The following DNAH12 variants were observed in gnomAD, a reference collection of about 807,000 sequenced individuals.
The protein encoded by DNAH12 is dynein axonemal heavy chain 12, also known as axonemal beta dynein heavy chain 12.
DNAH12 carries 285 observed loss-of-function variants against 371.5 expected under a neutral mutation model. The ratio of observed to expected loss-of-function variants is 0.77; its 90% CI spans 0.70 to 0.85. DNAH12 has a LOEUF of 0.85. Ranked by LOEUF, DNAH12 falls within the 40% of genes least tolerant of loss-of-function variation. DNAH12 has a pLI of 0.00. For missense variants in DNAH12, 3,611 were observed against 3,689.4 expected, an observed-to-expected ratio of 0.98 and a Z score of 0.55; for synonymous variants, 1,200 against 1,213.0, an observed-to-expected ratio of 0.99 and a Z score of 0.22.
chr3:57,419,278 G>T, intron 37 of DNAH12, 89 bp downstream of exon 37: 1 of 1,268,722 alleles, frequency 7.9e-7, no homozygotes, highest in Non-Finnish European at 1.1e-6. Context: ...CCTGAAAAGG[G>T]ATGATCTCGA....
chr3:57,321,618 A>G (rs2061807208), intron 65 of DNAH12, among the ~76,000 whole-genome samples: 1 of 152,148 alleles, frequency 6.6e-6, no homozygotes, highest in African/African-American at 2.4e-5. Flanking sequence ...TGAGCTTCTT[A>G]CAGGGACCTG....
intron 21 of DNAH12, 45 bp downstream of exon 21, chr3:57,458,054 T>C (rs1230721186): frequency 6.5e-7 from 1 of 1,536,314 alleles, no homozygotes; most frequent in Admixed American, 2.1e-5. Context: ...TCATCACACA[T>C]AAGAAAATGT....
chr3:57,300,026 T>G (rs2061313793), intron 70 of DNAH12, among the ~76,000 whole-genome samples: 1 of 152,218 alleles, frequency 6.6e-6, no homozygotes, highest in African/African-American at 2.4e-5. Context: ...AATACCTTGC[T>G]GTGCCTGTAG....
At position 57,334,469 on chromosome 3, in the gene DNAH12, T is replaced by C; in HGVS notation, c.9974A>G (p.Asp3325Gly). The C allele has an allele frequency of 6.5e-7, 1 of 1,546,540 alleles. No individual in the cohort carries two copies. The highest frequency in any genetic ancestry group is 8.7e-7 in the Non-Finnish European group (1 of 1,145,926). Reference protein sequence around the residue: ...KIIILRCLRPDKITPAITNYV... With the variant: ...KIIILRCLRPGKITPAITNYV... ...TAGAACACATTGGTCTTTTACCTTATCAGGTCTTAAACACCGAAGAATTAT... is the reference window on the plus strand; with the variant it reads ...TAGAACACATTGGTCTTTTACCTTACCAGGTCTTAAACACCGAAGAATTAT... The change falls in exon 62 of 74, where the codon GAT becomes GGT. Residue 3325 changes from aspartate to glycine, a missense_variant. By Grantham distance (94) the Asp-to-Gly change is moderately conservative. Coordinates refer to ENST00000495027, the MANE Select transcript of DNAH12 (RefSeq NM_001366028.2).
At chr3:57,358,916 C>T (rs1169473042) in intron 58 of DNAH12, among the ~76,000 whole-genome samples, 1 of 152,074 alleles carries the variant, frequency 6.6e-6, no homozygotes, top group East Asian at 1.9e-4. Flanking sequence ...TCCCAAGTAG[C>T]TGAGATTACA....
At chr3:57,499,290 A>C (rs529320884) in intron 11 of DNAH12, among the ~76,000 whole-genome samples, 1 of 152,214 alleles carries the variant, frequency 6.6e-6, no homozygotes, top group Admixed American at 6.5e-5. Flanking sequence ...AATTCTGGTG[A>C]TGGTTACGTA....
intron 13 of DNAH12, among the ~76,000 whole-genome samples, chr3:57,478,969 C>T (rs1361691765): frequency 2.0e-5 from 3 of 152,296 alleles, no homozygotes; most frequent in Non-Finnish European, 4.4e-5. Flanking sequence ...ACTGCAAAAA[C>T]GTGCCAAATT....
In DNAH12 at chr3:57,511,899, C is replaced by T. The variant is rs563694287; in HGVS notation, c.280-920G>A. ...AAGATAAAATAATTCATACCTTCCA[C>T]CATACATAAGAACAAACTCCAGGAT... On this transcript the variant is annotated intron_variant, in intron 4 of 73. Coordinates refer to ENST00000495027, the MANE Select transcript of DNAH12 (RefSeq NM_001366028.2). Among the ~76,000 whole-genome samples the T allele has an allele frequency of 7.2e-5, 11 of 152,108 alleles. No individual in the cohort carries two copies. The East Asian group carries it at 2.1e-3, about 29-fold the overall frequency.
At chr3:57,338,010 C>CCTCT (rs373113807) in intron 60 of DNAH12, among the ~76,000 whole-genome samples, 2 of 151,836 alleles carry the variant, frequency 1.3e-5, no homozygotes, top group African/African-American at 4.8e-5. Context: ...TTTCGCTCTC[C>CCTCT]CTCTCTCTCT....
At chr3:57,532,886 G>A (rs1374309826) in intron 2 of DNAH12, among the ~76,000 whole-genome samples, 2 of 152,200 alleles carry the variant, frequency 1.3e-5, no homozygotes, top group East Asian at 3.9e-4. Context: ...TCAGCAGGTG[G>A]TGAAGCAAGA....
At chr3:57,392,398 T>C (rs1270562948) in intron 44 of DNAH12, among the ~76,000 whole-genome samples, 3 of 152,176 alleles carry the variant, frequency 2.0e-5, no homozygotes, top group African/African-American at 7.2e-5. Flanking sequence ...AGGAACTAGT[T>C]ATAAATGTAA....
intron 66 of DNAH12, among the ~76,000 whole-genome samples, chr3:57,312,504 T>G (rs1369931923): frequency 6.6e-6 from 1 of 152,238 alleles, no homozygotes; most frequent in African/African-American, 2.4e-5. Flanking sequence ...AGAGGCAGCC[T>G]GCTCATACCA....
intron 34 of DNAH12, among the ~76,000 whole-genome samples, chr3:57,426,828 GAAAA>G (rs559705189): frequency 5.4e-5 from 5 of 92,964 alleles, no homozygotes; most frequent in African/African-American, 1.5e-4. Context: ...GACTGTCTCA[GAAAA>G]AAAAAAAAAA....
At chr3:57,478,681 T>C (rs6787096) in intron 13 of DNAH12, among the ~76,000 whole-genome samples, 134,980 of 152,220 alleles carry the variant, frequency 0.89, 60,423 homozygotes, top group African/African-American at 0.96. Flanking sequence ...AGAGAAAGGT[T>C]GGGTTACCAA....
In DNAH12 at chr3:57,457,123, C is replaced by T. The variant is rs142280671; in HGVS notation, c.3336+598G>A. On this transcript the variant is annotated intron_variant, in intron 22 of 73. Coordinates refer to ENST00000495027, the MANE Select transcript of DNAH12 (RefSeq NM_001366028.2). ...TTGTCTTCCTGTTTTCACACCTCCACTAATCTATTATTTATACCATAGCCA... is the reference window on the plus strand; with the variant it reads ...TTGTCTTCCTGTTTTCACACCTCCATTAATCTATTATTTATACCATAGCCA... Among the ~76,000 whole-genome samples the T allele has an allele frequency of 4.7e-3, 714 of 152,286 alleles. 5 individuals are homozygous for T. The highest frequency in any genetic ancestry group is 6.9e-3 in the Non-Finnish European group (472 of 68,028).
intron 49 of DNAH12, among the ~76,000 whole-genome samples, chr3:57,383,432 G>A (rs2063436536): frequency 6.6e-6 from 1 of 152,052 alleles, no homozygotes; most frequent in Non-Finnish European, 1.5e-5. Flanking sequence ...GAGTGCTGCA[G>A]ATTCATGGAA....
At chr3:57,417,878 C>T (rs1369524530) in intron 37 of DNAH12, among the ~76,000 whole-genome samples, 2 of 152,018 alleles carry the variant, frequency 1.3e-5, no homozygotes, top group African/African-American at 2.4e-5. Context: ...AGGCTGGGCA[C>T]GGTGGCTCAA....
intron 12 of DNAH12, among the ~76,000 whole-genome samples, chr3:57,485,053 G>A (rs575007915): frequency 5.3e-5 from 8 of 152,142 alleles, no homozygotes; most frequent in Non-Finnish European, 1.0e-4. Context: ...GCATGGATGT[G>A]GTGAAAAGGG....
At position 57,462,757 on chromosome 3, in the gene DNAH12, T is replaced by TAGA; in HGVS notation, c.2467_2468insTCT (p.Lys823delinsIleTer). ...TGGGGTAAGGTTTAATTTTAAAACT[T>TAGA]TTCTCAGTGTAGTTCCAGAGTCTGG... On this transcript the variant is annotated stop_gained and protein_altering_variant, in exon 18 of 74. Transcript: ENST00000495027. LOFTEE classifies it high-confidence loss of function. 6.4e-7 allele frequency: 1 copy of TAGA among 1,551,560 alleles called. No homozygotes were observed. Among genetic ancestry groups the TAGA allele is most frequent in the Non-Finnish European group, 8.7e-7 (1 of 1,146,928 alleles).
Sources: gnomAD v4.1 joint callset for allele counts (sites outside exome capture counted in the v4.1 genomes callset) on GRCh38, gnomAD v4.1.1 for gene constraint, MANE v1.5 for transcripts, NCBI Gene and HGNC (gene_info 2026-07-23, HGNC 2026-07-21) for gene names.